DOT1L: variants seen among roughly 807,000 people sequenced by gnomAD.
DOT1L encodes DOT1 like histone lysine methyltransferase, also known as histone-lysine N-methyltransferase, H3 lysine-79 specific.
Under a neutral mutation model 153.3 loss-of-function variants are expected in DOT1L, and 33 were observed. The ratio of observed to expected loss-of-function variants is 0.22; its 90% CI spans 0.16 to 0.29. The LOEUF is 0.29. Ranked by LOEUF, DOT1L falls within the 10% of genes least tolerant of loss-of-function variation. DOT1L has a pLI of 1.00. For synonymous variants in DOT1L, 1,135 were observed against 965.1 expected, an observed-to-expected ratio of 1.18 and a Z score of -3.26; for missense variants, 1,847 against 2,119.9, an observed-to-expected ratio of 0.87 and a Z score of 2.53.
rs1393667406 is a variant in DOT1L at position 2,227,436 on chromosome 19, G to A, written c.4606+309G>A. ...GTCACCTGCTAGGTGTGGCCGCCCG[G>A]GCTCTGGCAAGGCTCTGGGAGCTGG... On this transcript the variant is annotated intron_variant, in intron 27 of 27. Coordinates refer to ENST00000398665, the MANE Select transcript of DOT1L (RefSeq NM_032482.3). 3 of 613,834 alleles carry A rather than the reference G, an allele frequency of 4.9e-6. No homozygotes were observed. The African/African-American group carries it at 5.5e-5, about 11-fold the overall frequency. 38.0% of individuals were successfully genotyped at this position (613,834 alleles called of 1,614,324 possible). A position where few individuals can be genotyped will look rare whatever the true frequency, so the allele number is the denominator to read the frequency against.
Position 2,208,466 on chromosome 19 carries a change from G to A in DOT1L, c.964-469G>A, listed in dbSNP as rs2023587750. On this transcript the variant is annotated intron_variant, in intron 11 of 27. Transcript: ENST00000398665. The surrounding 1 kb of genome is among the most constrained non-coding windows in gnomAD (Gnocchi z 4.4). ...CCCCGCCCTCCCACTGCTCCCCCGA[G>A]GGCCCTGGGACGAGAGGCATGGTGA... Among the ~76,000 whole-genome samples the A allele has an allele frequency of 6.6e-6, 1 of 152,160 alleles. No homozygotes were observed.
At chr19:2,221,928 T>C (rs1414245150) in intron 23 of DOT1L, 48 bp from the exon 24 acceptor site, 2 of 1,524,810 alleles carry the variant, frequency 1.3e-6, no homozygotes, top group Non-Finnish European at 1.8e-6. Flanking sequence ...CAAGGCTTTC[T>C]CTTTGGCCAT....
rs2022737148 is a variant in DOT1L, at chr19:2,190,314, T to C, written c.264+519T>C. ...GAGGGGAACGTGCTGCTTCCCATGT[T>C]CTAGAAAGCACCGGGGGCCCCTGGT... On this transcript the variant is annotated intron_variant, in intron 4 of 27. Coordinates refer to ENST00000398665, the MANE Select transcript of DOT1L (RefSeq NM_032482.3). The surrounding 1 kb of genome is among the most constrained non-coding windows in gnomAD (Gnocchi z 4.8). 1.3e-5 allele frequency among the ~76,000 whole-genome samples: 2 copies of C among 152,056 alleles called. No homozygotes were observed. The highest frequency in any genetic ancestry group is 2.9e-5 in the Non-Finnish European group (2 of 67,968).
chr19:2,212,823 G>A (rs1191703192), intron 16 of DOT1L: 1 of 152,250 alleles, frequency 6.6e-6, no homozygotes, highest in East Asian at 1.9e-4. Context: ...CTGAGGTCCC[G>A]GCTGTGGGGC....
Position 2,202,709 on chromosome 19 carries a change from T to C in DOT1L, c.717T>C (p.Phe239=). Residue 239 remains phenylalanine, a synonymous_variant, in exon 9 of 28, where the codon TTT becomes TTC. Coordinates refer to ENST00000398665, the MANE Select transcript of DOT1L (RefSeq NM_032482.3). ...RERIANTSVI[F]VNNFAFGPEV... Reference sequence around the variant, plus strand: ...GAGTATTGTTTTGCAGTGTTATATTTGTGAATAATTTTGCCTTTGGTCCTG... The same window carrying C: ...GAGTATTGTTTTGCAGTGTTATATTCGTGAATAATTTTGCCTTTGGTCCTG... 3.7e-6 allele frequency: 6 copies of C among 1,614,186 alleles called. No homozygotes were observed. The highest frequency in any genetic ancestry group is 4.2e-6 in the Non-Finnish European group (5 of 1,180,000).
Position 2,207,936 on chromosome 19 carries a change from A to G in DOT1L, c.963+256A>G, listed in dbSNP as rs1201513898. On this transcript the variant is annotated intron_variant, in intron 11 of 27. Transcript: ENST00000398665. This position sits in a 1 kb window ranked among gnomAD's most constrained non-coding sequence, Gnocchi z 4.5. ...GTGCTGTCTCCCCTAGTCTACGCTC[A>G]GCTCCTGGGGTGGGGCGGGGCCATC... 6.6e-6 allele frequency among the ~76,000 whole-genome samples: 1 copy of G among 151,926 alleles called. No individual in the cohort carries two copies.
rs117811814 is a variant in DOT1L at position 2,171,877 on chromosome 19, C to T, written c.81+7612C>T. Among the ~76,000 whole-genome samples, 1,228 of 152,274 alleles carry T rather than the reference C, an allele frequency of 8.1e-3. 9 individuals are homozygous for T. Among genetic ancestry groups the T allele is most frequent in the Non-Finnish European group, 0.013 (889 of 68,016 alleles). On this transcript the variant is annotated intron_variant, in intron 1 of 27. Coordinates refer to ENST00000398665, the MANE Select transcript of DOT1L (RefSeq NM_032482.3). ...TCAAGTGCCCAGAATGTATGCGCGG[C>T]AGTTACAAGTGGGGCTTCCTGGAGA... is the stretch of plus-strand genomic sequence containing the variant.
Position 2,232,373 on chromosome 19 carries a change from A to T in DOT1L, c.*2581A>T, listed in dbSNP as rs1048895646. 64 of 145,222 alleles carry T rather than the reference A, an allele frequency of 4.4e-4. No individual in the cohort carries two copies. The highest frequency in any genetic ancestry group is 1.3e-3 in the African/African-American group (45 of 33,746). The allele number at this position is 145,222 out of a possible 1,614,324, so 9.0% of individuals were successfully genotyped here. ...CGACTGCCCTCGCCATCGTGGTCAG[A>T]CCCCCCTCCCAACACAACACGCTGC... On this transcript the variant is annotated 3_prime_UTR_variant, in exon 28 of 28. Coordinates refer to ENST00000398665, the MANE Select transcript of DOT1L (RefSeq NM_032482.3).
In DOT1L at chr19:2,202,988, C is replaced by G. The variant is rs141022887; in HGVS notation, c.787+209C>G. On this transcript the variant is annotated intron_variant, in intron 9 of 27. Transcript: ENST00000398665. ...CCAGGCTGGAGTGTAGTGGCACAAT[C>G]TCTGCTCACTGCAACCTCCGCCTCC... Among the ~76,000 whole-genome samples the G allele has an allele frequency of 2.4e-3, 364 of 152,334 alleles. 1 individual carries two copies. Among genetic ancestry groups the G allele is most frequent in the Non-Finnish European group, 4.4e-3 (301 of 68,022 alleles).
intron 14 of DOT1L, 86 bp downstream of exon 14, chr19:2,210,941 C>G (rs1204577530): frequency 1.3e-6 from 2 of 1,516,992 alleles, no homozygotes; most frequent in Non-Finnish European, 1.8e-6. Flanking sequence ...CCTCCTGAGC[C>G]CCGTGTGTTC....
At chr19:2,211,364 G>A in intron 15 of DOT1L, 152 bp downstream of exon 15, 1 of 695,990 alleles carries the variant, frequency 1.4e-6, no homozygotes, top group Non-Finnish European at 2.4e-6. Context: ...GCCTGCTGCA[G>A]GGGTCAGTAG....
intron 27 of DOT1L, chr19:2,228,241 C>T (rs1436602814): frequency 2.9e-6 from 4 of 1,362,472 alleles, no homozygotes; most frequent in African/African-American, 1.5e-5. Flanking sequence ...GCCCAGGCCG[C>T]GCCCGGGATC....
In DOT1L at chr19:2,222,994, T is replaced by G. The variant is rs1041501528; in HGVS notation, c.3391-287T>G. 1 of 458,818 alleles carries G rather than the reference T, an allele frequency of 2.2e-6. No homozygotes were observed. Among genetic ancestry groups the G allele is most frequent in the African/African-American group, 2.0e-5 (1 of 49,488 alleles). 28.4% of individuals were successfully genotyped at this position (458,818 alleles called of 1,614,324 possible). ...GGAAGAGGCGGCCGACAGCTGTCTCTGGGGTTCGGAGTGCGATGCGCTGCC... is the reference window on the plus strand; with the variant it reads ...GGAAGAGGCGGCCGACAGCTGTCTCGGGGGTTCGGAGTGCGATGCGCTGCC... On this transcript the variant is annotated intron_variant, in intron 24 of 27. Coordinates refer to ENST00000398665, the MANE Select transcript of DOT1L (RefSeq NM_032482.3). The surrounding 1 kb of genome is among the most constrained non-coding windows in gnomAD (Gnocchi z 6.5).
At chr19:2,170,867 C>G (rs772135322) in intron 1 of DOT1L, among the ~76,000 whole-genome samples, 30 of 152,122 alleles carry the variant, frequency 2.0e-4, no homozygotes, top group Admixed American at 3.3e-4. Flanking sequence ...CAGGAGTCTC[C>G]CGGAACGTGT....
At position 2,228,521 on chromosome 19, in the gene DOT1L, A is replaced by C. The variant is rs1003803798; in HGVS notation, c.4607-1264A>C. 2.6e-6 allele frequency: 3 copies of C among 1,163,218 alleles called. No individual in the cohort carries two copies. The African/African-American group carries it at 4.9e-5, about 19-fold the overall frequency. The allele number at this position is 1,163,218 out of a possible 1,614,324, so 72.1% of individuals were successfully genotyped here. ...AGGGAGAGAGCCAGGGAGACCAGGG[A>C]GATGGTCGCGAGAGGAGGGACTACA... On this transcript the variant is annotated intron_variant, in intron 27 of 27. Coordinates refer to ENST00000398665, the MANE Select transcript of DOT1L (RefSeq NM_032482.3).
chr19:2,180,576 G>A (rs918763251), intron 1 of DOT1L, 137 bp from the exon 2 acceptor site: 8 of 1,010,936 alleles, frequency 7.9e-6, no homozygotes, highest in East Asian at 2.6e-5. Context: ...GGTACCCGCT[G>A]GGTGGTGGGC....
chr19:2,201,757 C>G (rs2023293638), intron 8 of DOT1L, among the ~76,000 whole-genome samples: 2 of 152,254 alleles, frequency 1.3e-5, no homozygotes, highest in African/African-American at 4.8e-5. Flanking sequence ...CCGTTGACAT[C>G]TGGGCTCGGC....
intron 1 of DOT1L, among the ~76,000 whole-genome samples, chr19:2,177,474 A>G (rs563661324): frequency 6.6e-6 from 1 of 152,024 alleles, no homozygotes; most frequent in South Asian, 2.1e-4. Context: ...TTTTTGTATT[A>G]TTAGTACTAC....
At position 2,232,167 on chromosome 19, in the gene DOT1L, T is replaced by G; in HGVS notation, c.*2375T>G. 4.6e-6 allele frequency: 1 copy of G among 216,162 alleles called. No individual in the cohort carries two copies. 13.4% of individuals were successfully genotyped at this position (216,162 alleles called of 1,614,324 possible). ...CTGTGCTGCTGCTGCTGACTGTGGG[T>G]GGGCGGGCGGCGCCTGGGAGTGGCT... On this transcript the variant is annotated 3_prime_UTR_variant, in exon 28 of 28. Transcript: ENST00000398665.
Sources: gnomAD v4.1 joint callset for allele counts (sites outside exome capture counted in the v4.1 genomes callset) on GRCh38, gnomAD v4.1.1 for gene constraint, Gnocchi (gnomAD v3.1) non-coding constraint, MANE v1.5 for transcripts, NCBI Gene and HGNC (gene_info 2026-07-23, HGNC 2026-07-21) for gene names.